Variants in SCAPER observed in about 807,000 individuals in gnomAD.
The protein encoded by SCAPER is S-phase cyclin A associated protein in the ER.
In SCAPER, 98 loss-of-function variants were observed where a neutral mutation model predicts 182.2. That is an observed-to-expected ratio of 0.54 (90% CI 0.46 to 0.64). SCAPER has a LOEUF of 0.64. Ranked by LOEUF, SCAPER falls within the 30% of genes least tolerant of loss-of-function variation. SCAPER has a pLI of 0.00. For synonymous variants in SCAPER, 605 were observed against 564.6 expected, an observed-to-expected ratio of 1.07 and a Z score of -1.01; for missense variants, 1,432 against 1,690.0, an observed-to-expected ratio of 0.85 and a Z score of 2.68.
chr15:76,778,196 C>T (rs1026901837), intron 8 of SCAPER, among the ~76,000 whole-genome samples: 4 of 151,984 alleles, frequency 2.6e-5, no homozygotes. Context: ...CATAGTAATG[C>T]AAAATTGTAT....
chr15:76,836,809 G>A (rs1268310873), intron 5 of SCAPER, among the ~76,000 whole-genome samples: 2 of 150,714 alleles, frequency 1.3e-5, no homozygotes, highest in East Asian at 2.0e-4. Flanking sequence ...AGGAGGCACA[G>A]CTTGTAGTGA....
intron 22 of SCAPER, among the ~76,000 whole-genome samples, chr15:76,606,324 A>T (rs902609215): frequency 2.0e-5 from 3 of 152,086 alleles, no homozygotes; most frequent in Non-Finnish European, 2.9e-5. Flanking sequence ...CATGTAGTTG[A>T]GCGGTTTTGA....
chr15:76,778,203 G>GT (rs2063860849), intron 8 of SCAPER, among the ~76,000 whole-genome samples: 1 of 152,026 alleles, frequency 6.6e-6, no homozygotes, highest in South Asian at 2.1e-4. Flanking sequence ...ATGCAAAATT[G>GT]TATCACCAAC....
intron 5 of SCAPER, among the ~76,000 whole-genome samples, chr15:76,810,358 T>G (rs1202761360): frequency 6.6e-6 from 1 of 151,976 alleles, no homozygotes; most frequent in Non-Finnish European, 1.5e-5. Flanking sequence ...CTATTTATAA[T>G]GTGGGAGCAA....
intron 26 of SCAPER, among the ~76,000 whole-genome samples, chr15:76,406,254 G>A (rs913395527): frequency 2.6e-5 from 4 of 152,102 alleles, no homozygotes; most frequent in Non-Finnish European, 5.9e-5. Flanking sequence ...GAGGCAGGTG[G>A]ATCACTTGAG....
intron 25 of SCAPER, among the ~76,000 whole-genome samples, chr15:76,455,572 T>C (rs113606988): frequency 1.3e-5 from 2 of 152,362 alleles, no homozygotes; most frequent in African/African-American, 2.4e-5. Flanking sequence ...TGAACTCTTG[T>C]GCTCAAGCAA....
rs571029771 is a variant in SCAPER, at chr15:76,381,488, G to A, written c.3595C>T (p.Pro1199Ser). 2 of 1,613,690 alleles carry A rather than the reference G, an allele frequency of 1.2e-6. No homozygotes were observed. The highest frequency in any genetic ancestry group is 3.3e-5 in the Admixed American group (2 of 59,950). The change falls in exon 28 of 32, where the codon CCC (proline) becomes TCC (serine). Residue 1199 changes from proline to serine, a missense_variant. Transcript: ENST00000563290. ...CVLFHGTILD[P>S]STASPKENYT... The stretch of plus-strand genomic sequence containing the variant: ...TTCTCCTTGGGACTGGCAGTGCTGG[G>A]GTCCAAGATGGTGCCATGGAAGAGG...
At chr15:76,779,000 G>C (rs1483527951) in intron 8 of SCAPER, among the ~76,000 whole-genome samples, 1 of 151,868 alleles carries the variant, frequency 6.6e-6, no homozygotes, top group Non-Finnish European at 1.5e-5. Context: ...AAATATATTG[G>C]ATAATGATAA....
chr15:76,653,343 T>G (rs1160522789), intron 21 of SCAPER, among the ~76,000 whole-genome samples: 1 of 152,214 alleles, frequency 6.6e-6, no homozygotes, highest in Non-Finnish European at 1.5e-5. Context: ...AATGTCATTC[T>G]TCACAAAATT....
At chr15:76,749,721 C>A (rs2120112) in intron 15 of SCAPER, among the ~76,000 whole-genome samples, 147,719 of 152,148 alleles carry the variant, frequency 0.97, 71,844 homozygotes, top group South Asian at 1. Context: ...ATGCAAAGGC[C>A]AGAATCTAAA....
At chr15:76,625,770 C>A (rs917718383) in intron 21 of SCAPER, among the ~76,000 whole-genome samples, 1 of 152,076 alleles carries the variant, frequency 6.6e-6, no homozygotes, top group Non-Finnish European at 1.5e-5. Context: ...CAGGAGTCCA[C>A]GGTGGGAATG....
chr15:76,806,094 A>T (rs2066142763), intron 5 of SCAPER, among the ~76,000 whole-genome samples: 1 of 151,962 alleles, frequency 6.6e-6, no homozygotes, highest in East Asian at 1.9e-4. Flanking sequence ...AGTTCAATTT[A>T]TTTTTTCTCT....
At chr15:76,488,954 C>T (rs1450424635) in intron 24 of SCAPER, among the ~76,000 whole-genome samples, 2 of 151,026 alleles carry the variant, frequency 1.3e-5, no homozygotes, top group Non-Finnish European at 2.9e-5. Context: ...AACTCCTGAC[C>T]TCAGGTGATC....
intron 24 of SCAPER, among the ~76,000 whole-genome samples, chr15:76,480,231 G>A (rs748630097): frequency 7.2e-5 from 11 of 152,162 alleles, no homozygotes; most frequent in Non-Finnish European, 1.5e-4. Flanking sequence ...TCTTTGGTTT[G>A]CACTAAGGAT....
intron 29 of SCAPER, among the ~76,000 whole-genome samples, chr15:76,360,968 A>C (rs2041368862): frequency 6.6e-6 from 1 of 151,742 alleles, no homozygotes; most frequent in Non-Finnish European, 1.5e-5. Flanking sequence ...AAGAAATGCT[A>C]TTATGTCAAA....
intron 9 of SCAPER, among the ~76,000 whole-genome samples, chr15:76,772,262 C>T (rs764938442): frequency 5.3e-5 from 8 of 151,874 alleles, no homozygotes; most frequent in Admixed American, 1.3e-4. Flanking sequence ...TTGTATCCTT[C>T]GCAAATGAAA....
chr15:76,734,001 C>T (rs956929385), intron 15 of SCAPER, among the ~76,000 whole-genome samples: 2 of 152,186 alleles, frequency 1.3e-5, no homozygotes, highest in Admixed American at 6.5e-5. Flanking sequence ...TACAGACCAT[C>T]TTACAAAGTT....
chr15:76,781,758 T>C (rs754789498), intron 8 of SCAPER, among the ~76,000 whole-genome samples: 4 of 152,134 alleles, frequency 2.6e-5, no homozygotes, highest in African/African-American at 4.8e-5. Flanking sequence ...CAAAAAATTT[T>C]CAACCCAGAA....
intron 20 of SCAPER, among the ~76,000 whole-genome samples, chr15:76,699,888 C>T (rs546224753): frequency 6.6e-6 from 1 of 152,152 alleles, no homozygotes; most frequent in Non-Finnish European, 1.5e-5. Context: ...GCAATGGCAA[C>T]GGAGTCCATA....
Sources: allele counts gnomAD v4.1 joint callset (sites outside exome capture counted in the v4.1 genomes callset), GRCh38; gene constraint gnomAD v4.1.1; transcripts MANE v1.5; gene names NCBI Gene and HGNC (gene_info 2026-07-23, HGNC 2026-07-21).